SV2B: variants seen among roughly 807,000 people sequenced by gnomAD.
The protein encoded by SV2B is solute carrier family 22 member B2.
Under a neutral mutation model 73.9 loss-of-function variants are expected in SV2B, and 41 were observed. The ratio of observed to expected loss-of-function variants is 0.56; its 90% CI spans 0.43 to 0.72. The LOEUF (loss-of-function observed/expected upper bound fraction) is 0.72. SV2B is among the 30% of genes least tolerant of loss of function. The pLI, the probability that SV2B is intolerant of heterozygous loss-of-function variation, is 0.00. For synonymous variants in SV2B, 314 were observed against 314.2 expected (o/e 1.00, Z 0.01); for missense variants, 764 against 857.8 (o/e 0.89, Z 1.37).
rs1433479543 is a variant in SV2B at position 91,240,228 on chromosome 15, A to G, written c.452-11591A>G. 6.6e-6 allele frequency among the ~76,000 whole-genome samples: 1 copy of G among 152,164 alleles called. No homozygotes were observed. Among genetic ancestry groups the G allele is most frequent in the Non-Finnish European group, 1.5e-5 (1 of 68,028 alleles). The stretch of plus-strand genomic sequence containing the variant: ...ATCACTAACCCTATCATCTTACACA[A>G]GTAACTTAACCTCCCTAACCTTGGT... On this transcript the variant is annotated intron_variant, in intron 2 of 12. Coordinates refer to ENST00000394232, the MANE Select transcript of SV2B (RefSeq NM_001323032.3). The surrounding 1 kb of genome is among the most constrained non-coding windows in gnomAD (Gnocchi z 4.6).
chr15:91,104,062 A>C (rs2041811997), intron 1 of SV2B, among the ~76,000 whole-genome samples: 1 of 152,176 alleles, frequency 6.6e-6, no homozygotes, highest in Non-Finnish European at 1.5e-5. Flanking sequence ...TTAGATGCGT[A>C]CCCTAGGGAC....
intron 1 of SV2B, among the ~76,000 whole-genome samples, chr15:91,120,603 C>T (rs146578885): frequency 1.1e-4 from 17 of 151,880 alleles, no homozygotes; most frequent in Non-Finnish European, 1.5e-4. Context: ...CCCTTGAGCC[C>T]GAAAGTTGGA....
At chr15:91,162,289 A>G (rs1176421367) in intron 1 of SV2B, among the ~76,000 whole-genome samples, 3 of 152,226 alleles carry the variant, frequency 2.0e-5, no homozygotes, top group African/African-American at 7.2e-5. Context: ...GCAATTGCAT[A>G]AAGATGTTTG....
intron 1 of SV2B, among the ~76,000 whole-genome samples, chr15:91,180,742 A>G (rs1596533965): frequency 6.6e-6 from 1 of 152,196 alleles, no homozygotes; most frequent in Non-Finnish European, 1.5e-5. Flanking sequence ...TTTCAGCTCC[A>G]TCAGCTCCTT....
At chr15:91,101,970 G>A (rs2041740330) in intron 1 of SV2B, 1 of 152,190 alleles carries the variant, frequency 6.6e-6, no homozygotes, top group South Asian at 2.1e-4. Flanking sequence ...TTCTGAGGGA[G>A]TTTCAGAGCA....
In SV2B at chr15:91,214,912, C is replaced by T. The variant is rs532345885; in HGVS notation, c.-391-10961C>T. 1.1e-4 allele frequency among the ~76,000 whole-genome samples: 16 copies of T among 152,348 alleles called. No homozygotes were observed. The highest frequency in any genetic ancestry group is 2.4e-4 in the Non-Finnish European group (16 of 68,034). ...GCCAGGCAGTTCTGTTTTGGATAAACTACAAGAGACGCTGCTCAGTGATTC... is the reference window on the plus strand; with the variant it reads ...GCCAGGCAGTTCTGTTTTGGATAAATTACAAGAGACGCTGCTCAGTGATTC... On this transcript the variant is annotated intron_variant, in intron 1 of 12. Coordinates refer to ENST00000394232, the MANE Select transcript of SV2B (RefSeq NM_001323032.3). The surrounding 1 kb of genome is among the most constrained non-coding windows in gnomAD (Gnocchi z 4.7).
chr15:91,223,122 T>A lies in SV2B; in HGVS notation c.-391-2751T>A, dbSNP rs1012581942. Among the ~76,000 whole-genome samples the A allele has an allele frequency of 1.3e-5, 2 of 152,330 alleles. No individual in the cohort carries two copies. Among genetic ancestry groups the A allele is most frequent in the East Asian group, 1.9e-4 (1 of 5,180 alleles). On this transcript the variant is annotated intron_variant, in intron 1 of 12. Transcript: ENST00000394232. This position sits in a 1 kb window ranked among gnomAD's most constrained non-coding sequence, Gnocchi z 4.6. The stretch of plus-strand genomic sequence containing the variant: ...TTGGGTCTTCACTTTGTCTTCCTTT[T>A]GAGCGTGTCTGTCTCTGTGTCCTTT...
Position 91,226,477 on chromosome 15 carries a change from G to A in SV2B, c.214G>A (p.Asp72Asn), listed in dbSNP as rs867130699. ...KQAKMAPSRM[D>N]SLRGQTDLMA... ...GGCCAAGATGGCGCCCTCCAGAATG[G>A]ACAGCCTTCGGGGCCAGACAGACCT... Residue 72 changes from aspartate (D) to asparagine (N), a missense_variant, in exon 2 of 13, where the codon GAC (aspartate) becomes AAC (asparagine). By Grantham distance (23) the Asp-to-Asn change is conservative. Transcript: ENST00000394232. The A allele has an allele frequency of 4.3e-6, 7 of 1,614,090 alleles. No homozygotes were observed. The African/African-American group carries it at 9.3e-5, about 22-fold the overall frequency.
chr15:91,226,734 G>T lies in SV2B; in HGVS notation c.451+20G>T. ...TGCTAGGTAAGTGGAAATTTCCAAT[G>T]ATCCCTCCAATGAAAGGGAAGGAGA... On this transcript the variant is annotated intron_variant, in intron 2 of 12. Coordinates refer to ENST00000394232, the MANE Select transcript of SV2B (RefSeq NM_001323032.3). 6.3e-7 allele frequency: 1 copy of T among 1,595,220 alleles called. No individual in the cohort carries two copies. The highest frequency in any genetic ancestry group is 8.5e-7 in the Non-Finnish European group (1 of 1,177,580).
chr15:91,234,092 G>T lies in SV2B; in HGVS notation c.451+7378G>T, dbSNP rs2046686580. Among the ~76,000 whole-genome samples the T allele has an allele frequency of 6.6e-6, 1 of 152,178 alleles. No homozygotes were observed. Among genetic ancestry groups the T allele is most frequent in the Non-Finnish European group, 1.5e-5 (1 of 68,032 alleles). On this transcript the variant is annotated intron_variant, in intron 2 of 12. Coordinates refer to ENST00000394232, the MANE Select transcript of SV2B (RefSeq NM_001323032.3). The surrounding 1 kb of genome is among the most constrained non-coding windows in gnomAD (Gnocchi z 5.6). ...CTACTATTTGTTTCATTGGTTGGCT[G>T]AAATGTAGACCAAAATGTGGCCCAT...
chr15:91,199,186 A>G (rs1043235208), intron 1 of SV2B, among the ~76,000 whole-genome samples: 21 of 152,298 alleles, frequency 1.4e-4, no homozygotes, highest in Middle Eastern at 3.4e-3. Context: ...TAAAAAAATC[A>G]TGTAAACTAT....
chr15:91,281,977 A>C lies in SV2B; in HGVS notation c.1507+116A>C. On this transcript the variant is annotated intron_variant, in intron 10 of 12. Transcript: ENST00000394232. The surrounding 1 kb of genome is among the most constrained non-coding windows in gnomAD (Gnocchi z 4.7). ...AGTAGGAAAGTATTCGTAGATACAA[A>C]TGCCAAGCCTTGGTGGGGAAATGGA... 1 of 1,229,860 alleles carries C rather than the reference A, an allele frequency of 8.1e-7. No homozygotes were observed. Among genetic ancestry groups the C allele is most frequent in the Non-Finnish European group, 1.1e-6 (1 of 921,290 alleles). 76.2% of individuals were successfully genotyped at this position (1,229,860 alleles called of 1,614,324 possible). A position where few individuals can be genotyped will look rare whatever the true frequency, so the allele number is the denominator to read the frequency against.
intron 9 of SV2B, among the ~76,000 whole-genome samples, chr15:91,270,877 T>A (rs1003223652): frequency 9.3e-6 from 1 of 107,454 alleles, no homozygotes; most frequent in Admixed American, 8.4e-5. Context: ...GGGCGGACGG[T>A]GAATCTTGTG....
chr15:91,286,829 CA>C (rs1406165939), intron 11 of SV2B, among the ~76,000 whole-genome samples: 3 of 152,078 alleles, frequency 2.0e-5, no homozygotes, highest in Admixed American at 6.6e-5. Context: ...TCCCAATTAC[CA>C]GAGGAATAAG....
At chr15:91,263,699 C>T (rs1392837439) in intron 6 of SV2B, among the ~76,000 whole-genome samples, 7 of 152,076 alleles carry the variant, frequency 4.6e-5, no homozygotes, top group Admixed American at 2.0e-4. Flanking sequence ...CACAGACACA[C>T]ATTAAGACAG....
intron 1 of SV2B, among the ~76,000 whole-genome samples, chr15:91,143,157 C>T (rs1010493916): frequency 8.5e-5 from 13 of 152,134 alleles, no homozygotes; most frequent in African/African-American, 1.7e-4. Context: ...GACTGGAGGA[C>T]GGCTTGGTTG....
rs2301664 is a variant in SV2B at position 91,284,034 on chromosome 15, C to T, written c.1521C>T (p.His507=). ...TIFYNTDLYE[H]KFINCRFINS... is the part of the protein sequence containing the mutation. ...TTCTCTCCCCAGACCTCTACGAGCA[C>T]AAGTTCATCAACTGTCGGTTTATCA... The change falls in exon 11 of 13, where the codon CAC becomes CAT. Residue 507 remains histidine (H), a synonymous_variant. Transcript: ENST00000394232. The surrounding 1 kb of genome is among the most constrained non-coding windows in gnomAD (Gnocchi z 4.5). The T allele has an allele frequency of 0.086, 138,994 of 1,613,916 alleles. 7,565 individuals are homozygous for T. Among genetic ancestry groups the T allele is most frequent in the African/African-American group, 0.24 (18,020 of 74,950 alleles).
Position 91,197,565 on chromosome 15 carries a change from CAAACA to C in SV2B, c.-391-28294_-391-28290del, listed in dbSNP as rs1555482200. Among the ~76,000 whole-genome samples the C allele has an allele frequency of 1.3e-5, 2 of 150,684 alleles. No individual in the cohort carries two copies. The highest frequency in any genetic ancestry group is 2.1e-4 in the South Asian group (1 of 4,790). ...GAAGAAAAAAAAAACCAAACCAAAC[CAAACA>C]AAACAAAACAAAATCACTGTAAAGA... On this transcript the variant is annotated intron_variant, in intron 1 of 12. Coordinates refer to ENST00000394232, the MANE Select transcript of SV2B (RefSeq NM_001323032.3). The surrounding 1 kb of genome is among the most constrained non-coding windows in gnomAD (Gnocchi z 4.9).
At chr15:91,158,838 G>A (rs2043609559) in intron 1 of SV2B, among the ~76,000 whole-genome samples, 1 of 150,292 alleles carries the variant, frequency 6.7e-6, no homozygotes, top group African/African-American at 2.5e-5. Context: ...TTTGCACAAT[G>A]TTACCCCCAA....
Sources: gnomAD v4.1 joint callset for allele counts (sites outside exome capture counted in the v4.1 genomes callset) on GRCh38, gnomAD v4.1.1 for gene constraint, Gnocchi (gnomAD v3.1) non-coding constraint, MANE v1.5 for transcripts, NCBI Gene and HGNC (gene_info 2026-07-23, HGNC 2026-07-21) for gene names.